The following RARB variants were observed in gnomAD, a reference collection of about 807,000 sequenced individuals.
RARB encodes the protein retinoic acid receptor beta, also known as HBV-activated protein.
RARB carries 17 observed loss-of-function variants against 51.9 expected under a neutral mutation model. That is an observed-to-expected ratio of 0.33 (90% CI 0.22 to 0.49). RARB has a LOEUF of 0.49. RARB is among the 20% of genes least tolerant of loss of function. RARB has a pLI of 0.99. For synonymous variants in RARB, 215 were observed against 195.4 expected, an observed-to-expected ratio of 1.10 and a Z score of -0.84; for missense variants, 369 against 550.8, an observed-to-expected ratio of 0.67 and a Z score of 3.30.
chr3:25,577,293 A>T (rs1445695930), intron 4 of RARB, among the ~76,000 whole-genome samples: 1 of 152,194 alleles, frequency 6.6e-6, no homozygotes, highest in Non-Finnish European at 1.5e-5. Context: ...TGCCTACCGC[A>T]TGGGGGCGCT....
chr3:25,438,192 CGA>C (rs770109962), intron 1 of RARB, among the ~76,000 whole-genome samples: 2 of 152,094 alleles, frequency 1.3e-5, no homozygotes, highest in African/African-American at 2.4e-5. Context: ...AGCAGTATTC[CGA>C]GAGAGAGTGT....
At chr3:24,938,958 G>A (rs1055290405) in intron 2 of RARB, among the ~76,000 whole-genome samples, 2 of 148,560 alleles carry the variant, frequency 1.3e-5, no homozygotes, top group African/African-American at 5.0e-5. Context: ...TTGTTCATTT[G>A]ACTGTTAATG....
Position 25,199,486 on chromosome 3 carries a change from G to A in RARB, c.178+24911G>A, listed in dbSNP as rs184569259. Among the ~76,000 whole-genome samples the A allele has an allele frequency of 8.3e-4, 126 of 152,094 alleles. 2 individuals carry two copies. The highest frequency in any genetic ancestry group is 2.9e-3 in the African/African-American group (122 of 41,506). On this transcript the variant is annotated intron_variant, in intron 5 of 11. Coordinates refer to the RARB transcript ENST00000383772. ...TTATTATTATACTTTAAGTTTTAGG[G>A]TACATGTGCACAATGTGCAGGTTTG...
intron 5 of RARB, among the ~76,000 whole-genome samples, chr3:25,401,214 A>G (rs1480717537): frequency 6.6e-6 from 1 of 152,182 alleles, no homozygotes; most frequent in Non-Finnish European, 1.5e-5. Context: ...AGGTGGACCC[A>G]AGGTAGACCT....
chr3:25,186,622 T>C (rs6796800), intron 5 of RARB, among the ~76,000 whole-genome samples: 76,459 of 151,844 alleles, frequency 0.5, 19,615 homozygotes, highest in East Asian at 0.71. Context: ...ACCACGAACA[T>C]GGATAGATCA....
At chr3:25,233,371 A>G (rs926260204) in intron 5 of RARB, among the ~76,000 whole-genome samples, 3 of 152,002 alleles carry the variant, frequency 2.0e-5, no homozygotes, top group Admixed American at 6.6e-5. Flanking sequence ...ATTTTTTTTT[A>G]TGTGTTGACC....
intron 2 of RARB, among the ~76,000 whole-genome samples, chr3:25,049,513 T>G (rs1205421013): frequency 6.6e-6 from 1 of 152,202 alleles, no homozygotes; most frequent in African/African-American, 2.4e-5. Context: ...GTGGGAGACT[T>G]ACTGGAATAG....
chr3:25,300,789 C>T (rs923318209), intron 5 of RARB, among the ~76,000 whole-genome samples: 5 of 151,794 alleles, frequency 3.3e-5, no homozygotes, highest in Admixed American at 6.6e-5. Flanking sequence ...CAGGAGTTTG[C>T]GACCAGCCTG....
intron 2 of RARB, among the ~76,000 whole-genome samples, chr3:24,881,537 A>T (rs1435887841): frequency 2.0e-5 from 3 of 152,204 alleles, no homozygotes; most frequent in Non-Finnish European, 4.4e-5. Context: ...CGACATTTCA[A>T]ATCTCTTGGG....
chr3:24,867,592 T>C (rs545602171), intron 2 of RARB, among the ~76,000 whole-genome samples: 86 of 152,224 alleles, frequency 5.6e-4, no homozygotes, highest in Middle Eastern at 6.8e-3. Context: ...TTACTTACCC[T>C]TCTGTAGGGG....
intron 2 of RARB, among the ~76,000 whole-genome samples, chr3:24,886,598 C>G (rs1703271236): frequency 6.6e-6 from 1 of 152,010 alleles, no homozygotes; most frequent in South Asian, 2.1e-4. Flanking sequence ...GCACATGCCA[C>G]CACGCCTGGC....
intron 3 of RARB, among the ~76,000 whole-genome samples, chr3:25,549,953 C>G (rs1699778675): frequency 6.6e-6 from 1 of 152,068 alleles, no homozygotes; most frequent in East Asian, 1.9e-4. Flanking sequence ...CTGAGATTTT[C>G]TATAGACTGA....
intron 5 of RARB, among the ~76,000 whole-genome samples, chr3:25,338,314 C>T (rs951198419): frequency 6.6e-6 from 1 of 152,170 alleles, no homozygotes; most frequent in African/African-American, 2.4e-5. Context: ...AAGGGATGCT[C>T]TGCTCTGAAA....
intron 5 of RARB, among the ~76,000 whole-genome samples, chr3:25,180,888 C>G (rs1700847513): frequency 6.6e-6 from 1 of 152,158 alleles, no homozygotes; most frequent in South Asian, 2.1e-4. Context: ...ACCATCAATT[C>G]CCTTGCTTTT....
chr3:25,211,709 T>C (rs1181470736), intron 5 of RARB, among the ~76,000 whole-genome samples: 2 of 152,192 alleles, frequency 1.3e-5, no homozygotes, highest in Non-Finnish European at 2.9e-5. Flanking sequence ...GGGAGTCATG[T>C]GGTCTTTTGT....
chr3:25,299,946 C>T (rs1704001728), intron 5 of RARB, among the ~76,000 whole-genome samples: 1 of 152,194 alleles, frequency 6.6e-6, no homozygotes, highest in African/African-American at 2.4e-5. Context: ...GTCTAATTGC[C>T]AGGCAGTATA....
In RARB at chr3:25,596,519, C is replaced by T. The variant is rs551369280; in HGVS notation, c.1250C>T (p.Thr417Ile). 2 of 1,613,230 alleles carry T rather than the reference C, an allele frequency of 1.2e-6. No individual in the cohort carries two copies. Among genetic ancestry groups the T allele is most frequent in the Non-Finnish European group, 1.7e-6 (2 of 1,179,342 alleles). Residue 417 changes from threonine (T) to isoleucine (I), a missense_variant, in exon 8 of 8, where the codon ACC (threonine) becomes ATC (isoleucine). Coordinates refer to ENST00000330688, the MANE Select transcript of RARB (RefSeq NM_000965.5). ...AATTCTGAAGGACATGAACCCTTGA[C>T]CCCAAGTTCAAGTGGGAACACAGCA... Reference protein sequence around the residue: ...LENSEGHEPLTPSSSGNTAEH... With the variant: ...LENSEGHEPLIPSSSGNTAEH...
At chr3:24,937,041 G>A (rs916828196) in intron 2 of RARB, among the ~76,000 whole-genome samples, 1 of 152,128 alleles carries the variant, frequency 6.6e-6, no homozygotes, top group African/African-American at 2.4e-5. Flanking sequence ...AAACTTTTGT[G>A]ACTATTGTCT....
intron 2 of RARB, among the ~76,000 whole-genome samples, chr3:25,049,316 A>G (rs956065741): frequency 6.6e-6 from 1 of 152,200 alleles, no homozygotes; most frequent in African/African-American, 2.4e-5. Context: ...TTCTGCTCCT[A>G]CAGACTCTAG....
Sources: allele counts gnomAD v4.1 joint callset (sites outside exome capture counted in the v4.1 genomes callset), GRCh38; gene constraint gnomAD v4.1.1; transcripts MANE v1.5; gene names NCBI Gene and HGNC (gene_info 2026-07-23, HGNC 2026-07-21).